SLC35A5: variants seen among roughly 807,000 people sequenced by gnomAD.
The protein encoded by SLC35A5 is solute carrier family 35 member A5.
SLC35A5 carries 28 observed loss-of-function variants against 36.3 expected under a neutral mutation model. That is an observed-to-expected ratio of 0.77 (90% CI 0.57 to 1.06). The LOEUF (loss-of-function observed/expected upper bound fraction) is 1.06, where lower values mean the gene tolerates loss of function less well. Ranked by LOEUF, SLC35A5 falls within the 50% of genes least tolerant of loss-of-function variation. The pLI is 0.00. For synonymous variants in SLC35A5, 180 were observed against 173.7 expected (o/e 1.04, Z -0.29); for missense variants, 521 against 499.3 (o/e 1.04, Z -0.41).
chr3:112,576,040 G>A (rs1212071041), intron 5 of SLC35A5, among the ~76,000 whole-genome samples: 16 of 151,972 alleles, frequency 1.1e-4, no homozygotes. Flanking sequence ...GATTACAGGT[G>A]TGAGCCACTA....
intron 5 of SLC35A5, among the ~76,000 whole-genome samples, chr3:112,579,067 A>G (rs560023194): frequency 3.9e-5 from 6 of 152,336 alleles, no homozygotes; most frequent in African/African-American, 1.4e-4. Flanking sequence ...TAGTGTGCAC[A>G]GGTATGCTGC....
chr3:112,580,607 T>C lies in SLC35A5; in HGVS notation c.490T>C (p.Leu164=). 6.2e-7 allele frequency: 1 copy of C among 1,614,112 alleles called. No homozygotes were observed. The highest frequency in any genetic ancestry group is 8.5e-7 in the Non-Finnish European group (1 of 1,179,964). ...GACTTTATTTTTGTCTATTGTGGCC[T>C]TGACTGCCGGGACTAAAACTTTACA... ...LLTLFLSIVA[L]TAGTKTLQHN... The change falls in exon 6 of 7, where the codon TTG becomes CTG. Residue 164 remains leucine, a synonymous_variant. Coordinates refer to ENST00000492406, the MANE Select transcript of SLC35A5 (RefSeq NM_017945.5).
chr3:112,565,505 A>T (rs2464611), intron 2 of SLC35A5, among the ~76,000 whole-genome samples: 4 of 152,092 alleles, frequency 2.6e-5, no homozygotes, highest in Non-Finnish European at 5.9e-5. Context: ...GTAGCCAGGC[A>T]CAGTGGCTCA....
At chr3:112,572,130 G>A (rs2107430828) in intron 4 of SLC35A5, among the ~76,000 whole-genome samples, 1 of 149,732 alleles carries the variant, frequency 6.7e-6, no homozygotes, top group East Asian at 1.9e-4. Flanking sequence ...TTTTAGTAGA[G>A]ACGGGGTTTC....
intron 5 of SLC35A5, among the ~76,000 whole-genome samples, chr3:112,574,629 A>T (rs1480650124): frequency 6.6e-6 from 1 of 151,978 alleles, no homozygotes. Context: ...TTACTTAATG[A>T]TAATGATTAA....
At position 112,570,248 on chromosome 3, in the gene SLC35A5, C is replaced by G. The variant is rs538915048; in HGVS notation, c.230-292C>G. On this transcript the variant is annotated intron_variant, in intron 3 of 6. Coordinates refer to ENST00000492406, the MANE Select transcript of SLC35A5 (RefSeq NM_017945.5). The stretch of plus-strand genomic sequence containing the variant: ...TAACTTATTTTAACTTGTTGATCTC[C>G]CTGTTGGCCTTATGCTCTTACAGCA... Among the ~76,000 whole-genome samples, 7 of 151,644 alleles carry G rather than the reference C, an allele frequency of 4.6e-5. No homozygotes were observed. In the South Asian group the frequency reaches 1.5e-3, roughly 32 times the overall value.
chr3:112,568,372 A>G (rs1481024935), intron 2 of SLC35A5, among the ~76,000 whole-genome samples: 2 of 152,238 alleles, frequency 1.3e-5, no homozygotes, highest in African/African-American at 4.8e-5. Flanking sequence ...ATTCCTGAAA[A>G]TAGTACCCAA....
chr3:112,566,233 G>A (rs1264173189), intron 2 of SLC35A5, among the ~76,000 whole-genome samples: 1 of 152,200 alleles, frequency 6.6e-6, no homozygotes, highest in African/African-American at 2.4e-5. Flanking sequence ...ACTATTAGGA[G>A]GAAGAGTAGG....
In SLC35A5 at chr3:112,573,875, CTCTT is replaced by C. The variant is rs757086768; in HGVS notation, c.361-6_361-3del. On this transcript the variant is annotated splice_polypyrimidine_tract_variant and intron_variant, in intron 4 of 6. Transcript: ENST00000492406. ...TTCATTTGGATTGTAACTCTATCTT[CTCTT>C]TCTTTCTAGGCCATGGCTGTTATCT... is the stretch of plus-strand genomic sequence containing the variant. 9.3e-6 allele frequency: 15 copies of C among 1,605,582 alleles called. No individual in the cohort carries two copies. The Admixed American group carries it at 1.7e-4, about 18-fold the overall frequency.
At chr3:112,578,271 T>C (rs1423825058) in intron 5 of SLC35A5, among the ~76,000 whole-genome samples, 2 of 152,218 alleles carry the variant, frequency 1.3e-5, no homozygotes, top group African/African-American at 4.8e-5. Flanking sequence ...TCAACTTAGT[T>C]TTCATAAAAA....
chr3:112,565,010 A>G (rs926345348), intron 2 of SLC35A5, among the ~76,000 whole-genome samples: 7 of 152,108 alleles, frequency 4.6e-5, no homozygotes, highest in African/African-American at 1.2e-4. Flanking sequence ...TTTCCCCACA[A>G]TTGAGGACAC....
In SLC35A5 at chr3:112,579,943, A is replaced by C. The variant is rs558034313; in HGVS notation, c.429-603A>C. ...TAAGGAAAATAAACAAAGGATTGTTAGGACTTTGTAAACTGAAATACTGCC... is the reference window on the plus strand; with the variant it reads ...TAAGGAAAATAAACAAAGGATTGTTCGGACTTTGTAAACTGAAATACTGCC... On this transcript the variant is annotated intron_variant, in intron 5 of 6. Coordinates refer to ENST00000492406, the MANE Select transcript of SLC35A5 (RefSeq NM_017945.5). Among the ~76,000 whole-genome samples the C allele has an allele frequency of 2.0e-5, 3 of 152,366 alleles. No individual in the cohort carries two copies. The East Asian group carries it at 5.8e-4, about 29-fold the overall frequency.
chr3:112,574,056 C>A, intron 5 of SLC35A5, 100 bp downstream of exon 5: 2 of 1,090,818 alleles, frequency 1.8e-6, no homozygotes, highest in Non-Finnish European at 2.7e-6. Flanking sequence ...ATCCCAAAGC[C>A]AGGATTTTGT....
upstream of SLC35A5, chr3:112,561,846 C>A (rs964159760): frequency 2.7e-6 from 1 of 364,704 alleles, no homozygotes. Context: ...GCACACGCAC[C>A]CCTCGCCCTC....
Position 112,573,878 on chromosome 3 carries a change from T to C in SLC35A5, c.361-11T>C. ...ATTTGGATTGTAACTCTATCTTCTCTTTCTTTCTAGGCCATGGCTGTTATC... is the reference window on the plus strand; with the variant it reads ...ATTTGGATTGTAACTCTATCTTCTCCTTCTTTCTAGGCCATGGCTGTTATC... On this transcript the variant is annotated splice_polypyrimidine_tract_variant and intron_variant, in intron 4 of 6. Transcript: ENST00000492406. 1 of 1,608,556 alleles carries C rather than the reference T, an allele frequency of 6.2e-7. No homozygotes were observed. The highest frequency in any genetic ancestry group is 8.5e-7 in the Non-Finnish European group (1 of 1,175,078).
In SLC35A5 at chr3:112,574,771, T is replaced by G. The variant is rs531638519; in HGVS notation, c.428+815T>G. ...TGTGTATATGAAAGGGTGACTGGCT[T>G]GGTACAAAGATTTAATTTGTTGAGT... On this transcript the variant is annotated intron_variant, in intron 5 of 6. Transcript: ENST00000492406. Among the ~76,000 whole-genome samples, 3 of 152,216 alleles carry G rather than the reference T, an allele frequency of 2.0e-5. No individual in the cohort carries two copies. In the South Asian group the frequency reaches 6.2e-4, roughly 32 times the overall value.
rs917672669 is a variant in SLC35A5 at position 112,562,155 on chromosome 3, A to C, written c.-138A>C. 4 of 155,184 alleles carry C rather than the reference A, an allele frequency of 2.6e-5. No homozygotes were observed. The highest frequency in any genetic ancestry group is 9.7e-5 in the African/African-American group (4 of 41,448). 9.6% of individuals were successfully genotyped at this position (155,184 alleles called of 1,614,324 possible). A position where few individuals can be genotyped will look rare whatever the true frequency, so the allele number is the denominator to read the frequency against. On this transcript the variant is annotated 5_prime_UTR_variant, in exon 1 of 7. Coordinates refer to ENST00000492406, the MANE Select transcript of SLC35A5 (RefSeq NM_017945.5). ...TAGAGGGAGGGGCTTTTTCGCCTAT[A>C]CCTACTGTAGCTTCTCCACGTATGG...
chr3:112,561,327 C>G (rs576702579), upstream of SLC35A5: 1,847 of 913,518 alleles, frequency 2.0e-3, 3 homozygotes, highest in Non-Finnish European at 3.0e-3. Flanking sequence ...CTGCACACTT[C>G]CCTGTGTCTC....
In SLC35A5 at chr3:112,584,529, T is replaced by A. The variant is rs1436335626; in HGVS notation, c.*1793T>A. The A allele has an allele frequency of 6.6e-6, 1 of 152,196 alleles. No individual in the cohort carries two copies. The highest frequency in any genetic ancestry group is 2.1e-4 in the South Asian group (1 of 4,828). 9.4% of individuals were successfully genotyped at this position (152,196 alleles called of 1,614,324 possible). On this transcript the variant is annotated 3_prime_UTR_variant, in exon 7 of 7. Transcript: ENST00000492406. The stretch of plus-strand genomic sequence containing the variant: ...TTGATTTTCTTATTTACGATTACTT[T>A]TTTTCCTCACCTTCCTCTTTGGAAA...
Sources: gnomAD v4.1 joint callset for allele counts (sites outside exome capture counted in the v4.1 genomes callset) on GRCh38, gnomAD v4.1.1 for gene constraint, MANE v1.5 for transcripts, NCBI Gene and HGNC (gene_info 2026-07-23, HGNC 2026-07-21) for gene names.